Variants in ARK2N observed in about 807,000 individuals in gnomAD.
ARK2N encodes arkadia (RNF111) N-terminal like PKA signaling regulator 2N, also known as protein ARK2N.
chr18:46,195,734 C>G, the ARK2N span, among the ~76,000 whole-genome samples: 2 of 151,810 alleles, frequency 1.3e-5, no homozygotes, highest in African/African-American at 4.8e-5. Flanking sequence ...TGCCACCACA[C>G]CTGGCTGATT....
the ARK2N span, among the ~76,000 whole-genome samples, chr18:46,241,142 A>G: frequency 6.6e-6 from 1 of 152,270 alleles, no homozygotes; most frequent in Non-Finnish European, 1.5e-5. Flanking sequence ...ATATTGAGAC[A>G]GAACTCCATT....
chr18:46,235,951 G>A, the ARK2N span, among the ~76,000 whole-genome samples: 3 of 152,160 alleles, frequency 2.0e-5, no homozygotes, highest in East Asian at 1.9e-4. Context: ...TGGCAACAAC[G>A]AAGAAGGCTT....
the ARK2N span, among the ~76,000 whole-genome samples, chr18:46,255,768 A>G: frequency 6.7e-6 from 1 of 149,738 alleles, no homozygotes; most frequent in Non-Finnish European, 1.5e-5. Context: ...CTTTTTTTTT[A>G]ATGATTATTC....
At chr18:46,231,084 A>G in the ARK2N span, among the ~76,000 whole-genome samples, 111,830 of 152,192 alleles carry the variant, frequency 0.73, 41,220 homozygotes, top group Middle Eastern at 0.77. Flanking sequence ...TACTTTTTGT[A>G]CATTATTAAA....
the ARK2N span, chr18:46,266,424 C>T: frequency 6.6e-6 from 1 of 152,594 alleles, no homozygotes; most frequent in African/African-American, 2.4e-5. Flanking sequence ...TCAGATTGTG[C>T]ACTGTTTGTT....
chr18:46,182,039 C>T, the ARK2N span, among the ~76,000 whole-genome samples: 2 of 152,102 alleles, frequency 1.3e-5, no homozygotes, highest in Non-Finnish European at 2.9e-5. Flanking sequence ...CTGGAGTCTG[C>T]ATTTTGTTAG....
the ARK2N span, among the ~76,000 whole-genome samples, chr18:46,247,680 A>G: frequency 3.3e-5 from 5 of 152,138 alleles, no homozygotes; most frequent in African/African-American, 1.2e-4. Context: ...TTGGTTGCTT[A>G]TTGATTGATT....
the ARK2N span, chr18:46,232,989 T>C: frequency 3.3e-5 from 5 of 152,190 alleles, no homozygotes; most frequent in African/African-American, 4.8e-5. Context: ...TACCAGTTAA[T>C]TCACATTAGG....
At chr18:46,186,241 G>C in the ARK2N span, among the ~76,000 whole-genome samples, 6 of 151,642 alleles carry the variant, frequency 4.0e-5, no homozygotes, top group African/African-American at 1.5e-4. Context: ...CTGTCGCCAG[G>C]CTGGAGTGCA....
chr18:46,188,491 G>A, the ARK2N span, among the ~76,000 whole-genome samples: 16 of 151,700 alleles, frequency 1.1e-4, no homozygotes, highest in Non-Finnish European at 2.1e-4. Flanking sequence ...CGTGAGCCGC[G>A]ACATGTGGCG....
At chr18:46,243,011 C>A in the ARK2N span, among the ~76,000 whole-genome samples, 2 of 152,136 alleles carry the variant, frequency 1.3e-5, no homozygotes, top group Non-Finnish European at 2.9e-5. Context: ...TTCTGTATAT[C>A]ATAGGATGCA....
At chr18:46,208,351 AT>A in the ARK2N span, among the ~76,000 whole-genome samples, 13 of 151,996 alleles carry the variant, frequency 8.6e-5, no homozygotes, top group Admixed American at 3.9e-4. Flanking sequence ...CAAAATTAGA[AT>A]GATGCCTTTT....
the ARK2N span, among the ~76,000 whole-genome samples, chr18:46,261,245 GCAA>G: frequency 6.6e-6 from 1 of 152,180 alleles, no homozygotes; most frequent in Non-Finnish European, 1.5e-5. Context: ...CATCTGTAAA[GCAA>G]CAACATGATA....
At chr18:46,183,803 A>G in the ARK2N span, among the ~76,000 whole-genome samples, 710 of 152,198 alleles carry the variant, frequency 4.7e-3, 6 homozygotes, top group African/African-American at 0.016. Context: ...TAATTGAAAG[A>G]AGTCCTTCAA....
chr18:46,215,465 A>G, the ARK2N span, among the ~76,000 whole-genome samples: 1 of 152,174 alleles, frequency 6.6e-6, no homozygotes, highest in African/African-American at 2.4e-5. Context: ...ATTCTTTTTC[A>G]TTTATATCAA....
At chr18:46,183,812 A>C in the ARK2N span, among the ~76,000 whole-genome samples, 4 of 152,064 alleles carry the variant, frequency 2.6e-5, no homozygotes, top group Non-Finnish European at 5.9e-5. Context: ...GAAGTCCTTC[A>C]AAACCAAATT....
At chr18:46,220,889 A>C in the ARK2N span, among the ~76,000 whole-genome samples, 131 of 152,312 alleles carry the variant, frequency 8.6e-4, no homozygotes, top group Non-Finnish European at 1.3e-3. Flanking sequence ...TAATCCCAGC[A>C]CTCTGGGAGG....
the ARK2N span, among the ~76,000 whole-genome samples, chr18:46,255,405 T>TTTTTCTTTTTCTTTTC: frequency 4.7e-5 from 7 of 148,824 alleles, no homozygotes; most frequent in South Asian, 2.1e-4. Flanking sequence ...TTTCTTTTTC[T>TTTTTCTTTTTCTTTTC]TTTTCTTTTC....
the ARK2N span, among the ~76,000 whole-genome samples, chr18:46,187,500 C>T: frequency 6.6e-6 from 1 of 151,910 alleles, no homozygotes; most frequent in Admixed American, 6.6e-5. Context: ...CGCCGCCACG[C>T]CTGGCTACTT....
Sources: allele counts gnomAD v4.1 joint callset (sites outside exome capture counted in the v4.1 genomes callset), GRCh38; gene constraint gnomAD v4.1.1; transcripts MANE v1.5; gene names NCBI Gene and HGNC (gene_info 2026-07-23, HGNC 2026-07-21).